Variants in CNTN5 observed in about 807,000 individuals in gnomAD.
CNTN5 encodes the protein contactin-5.
In CNTN5, 77 loss-of-function variants were observed where a neutral mutation model predicts 129.1. That is an observed-to-expected ratio of 0.60 (90% CI 0.50 to 0.72). CNTN5 has a LOEUF of 0.72. Among genes scored for constraint, CNTN5 ranks in the 30% least tolerant of loss-of-function variants. The pLI, the probability that CNTN5 is intolerant of heterozygous loss-of-function variation, is 0.00. For missense variants in CNTN5, 1,478 were observed against 1,328.8 expected (o/e 1.11, Z -1.75); for synonymous variants, 509 against 465.6 (o/e 1.09, Z -1.20).
intron 2 of CNTN5, among the ~76,000 whole-genome samples, chr11:99,366,010 T>C (rs1418938508): frequency 6.6e-6 from 1 of 152,124 alleles, no homozygotes; most frequent in Non-Finnish European, 1.5e-5. Flanking sequence ...AACAGTGTCA[T>C]GAACTTAAAG....
At chr11:99,260,881 A>G (rs1022657298) in intron 1 of CNTN5, among the ~76,000 whole-genome samples, 11 of 152,046 alleles carry the variant, frequency 7.2e-5, no homozygotes, top group Admixed American at 7.2e-4. Context: ...TGTATGTATA[A>G]CATCACTGAT....
At chr11:99,065,185 A>G (rs1865051891) in intron 1 of CNTN5, among the ~76,000 whole-genome samples, 1 of 152,126 alleles carries the variant, frequency 6.6e-6, no homozygotes, top group South Asian at 2.1e-4. Flanking sequence ...TATAGATGAA[A>G]ATATAATTGC....
chr11:99,081,455 T>A (rs1253654111), intron 1 of CNTN5, among the ~76,000 whole-genome samples: 2 of 152,220 alleles, frequency 1.3e-5, no homozygotes, highest in East Asian at 1.9e-4. Flanking sequence ...TTGGTCTAGT[T>A]CCTTTTCTCT....
chr11:99,257,681 G>A (rs1862438109), intron 1 of CNTN5, among the ~76,000 whole-genome samples: 2 of 151,918 alleles, frequency 1.3e-5, no homozygotes, highest in Admixed American at 1.3e-4. Context: ...TGAAGCCAAG[G>A]CAAGTTTCAT....
rs971387909 is a variant in CNTN5, at chr11:99,578,866, G to A, written c.55+22597G>A. 1.1e-4 allele frequency among the ~76,000 whole-genome samples: 16 copies of A among 152,162 alleles called. No homozygotes were observed. The East Asian group carries it at 1.9e-3, about 18-fold the overall frequency. Reference sequence around the variant, plus strand: ...CCATTTGTCAATTTTGGCTTTTGTCGCCATTGCTTTTGGTGTTTTAGACAT... The same window carrying A: ...CCATTTGTCAATTTTGGCTTTTGTCACCATTGCTTTTGGTGTTTTAGACAT... On this transcript the variant is annotated intron_variant, in intron 3 of 24. Transcript: ENST00000524871.
chr11:99,818,036 A>G (rs1289690028), intron 3 of CNTN5, among the ~76,000 whole-genome samples: 1 of 152,220 alleles, frequency 6.6e-6, no homozygotes, highest in East Asian at 1.9e-4. Flanking sequence ...GCTTCACAGA[A>G]CAGAAAATAT....
chr11:99,089,909 T>A (rs1256054625), intron 1 of CNTN5, among the ~76,000 whole-genome samples: 2 of 152,224 alleles, frequency 1.3e-5, no homozygotes, highest in Non-Finnish European at 2.9e-5. Flanking sequence ...TGATAATTAT[T>A]AAATATCAGT....
At chr11:99,819,501 G>T (rs1946716232) in intron 3 of CNTN5, 43 bp from the exon 4 acceptor site, 2 of 1,526,336 alleles carry the variant, frequency 1.3e-6, no homozygotes, top group Non-Finnish European at 1.8e-6. Flanking sequence ...AAATAAACTA[G>T]TTTCCTCAAA....
intron 1 of CNTN5, among the ~76,000 whole-genome samples, chr11:99,323,400 A>G (rs1473833063): frequency 6.6e-6 from 1 of 152,144 alleles, no homozygotes; most frequent in Admixed American, 6.5e-5. Context: ...TGAGGAAGGA[A>G]TTGGAAAATG....
At chr11:99,672,306 G>A (rs1410849658) in intron 3 of CNTN5, among the ~76,000 whole-genome samples, 1 of 152,020 alleles carries the variant, frequency 6.6e-6, no homozygotes, top group Non-Finnish European at 1.5e-5. Context: ...TACCAGTGTT[G>A]CCACCACGTC....
At chr11:99,788,258 T>A (rs1249341584) in intron 3 of CNTN5, among the ~76,000 whole-genome samples, 2 of 151,954 alleles carry the variant, frequency 1.3e-5, no homozygotes, top group African/African-American at 4.8e-5. Flanking sequence ...TGTCTATTCC[T>A]CAAGTTTAAT....
At chr11:99,120,281 C>T (rs1337283867) in intron 1 of CNTN5, 2 of 152,158 alleles carry the variant, frequency 1.3e-5, no homozygotes, top group African/African-American at 4.8e-5. Context: ...TGTCTCCTTC[C>T]TTCCTCACCA....
chr11:100,287,636 C>A (rs1465278529), intron 18 of CNTN5, among the ~76,000 whole-genome samples: 2 of 151,678 alleles, frequency 1.3e-5, no homozygotes, highest in Non-Finnish European at 2.9e-5. Flanking sequence ...ACAACCGGTA[C>A]CAGCCGCTGC....
intron 1 of CNTN5, among the ~76,000 whole-genome samples, chr11:99,218,753 C>T (rs1860255091): frequency 6.6e-6 from 1 of 152,074 alleles, no homozygotes; most frequent in Admixed American, 6.6e-5. Flanking sequence ...AACTGAATTT[C>T]CAAACCTCTT....
intron 1 of CNTN5, among the ~76,000 whole-genome samples, chr11:99,264,158 C>T (rs1862772425): frequency 6.6e-6 from 1 of 151,472 alleles, no homozygotes; most frequent in Non-Finnish European, 1.5e-5. Flanking sequence ...CCTATTTCTA[C>T]AACTATGAAC....
At chr11:99,508,298 C>T (rs1946700304) in intron 2 of CNTN5, among the ~76,000 whole-genome samples, 1 of 152,040 alleles carries the variant, frequency 6.6e-6, no homozygotes, top group African/African-American at 2.4e-5. Flanking sequence ...ATGTTAAGCG[C>T]CTGCCTTTCC....
intron 1 of CNTN5, among the ~76,000 whole-genome samples, chr11:99,276,974 T>A (rs73536864): frequency 0.017 from 2,573 of 151,732 alleles, 82 homozygotes; most frequent in African/African-American, 0.059. Flanking sequence ...ATATGTGATA[T>A]AAACTTTAAA....
chr11:99,631,389 C>T (rs1951342510), intron 3 of CNTN5, among the ~76,000 whole-genome samples: 2 of 151,944 alleles, frequency 1.3e-5, no homozygotes, highest in Non-Finnish European at 2.9e-5. Flanking sequence ...AGTGCACTTT[C>T]AGGGTACTTA....
At chr11:99,387,599 T>G (rs1940991280) in intron 2 of CNTN5, among the ~76,000 whole-genome samples, 1 of 152,138 alleles carries the variant, frequency 6.6e-6, no homozygotes, top group African/African-American at 2.4e-5. Context: ...TCATGAAATG[T>G]CCATCCACTC....
Sources: allele counts gnomAD v4.1 joint callset (sites outside exome capture counted in the v4.1 genomes callset), GRCh38; gene constraint gnomAD v4.1.1; transcripts MANE v1.5; gene names NCBI Gene and HGNC (gene_info 2026-07-23, HGNC 2026-07-21).